The following GRAMD1C variants were observed in gnomAD, a reference collection of about 807,000 sequenced individuals.
GRAMD1C encodes protein Aster-C.
Under a neutral mutation model 97.8 loss-of-function variants are expected in GRAMD1C, and 89 were observed. The observed-to-expected ratio is 0.91, with a 90% CI of 0.77 to 1.09. The LOEUF (loss-of-function observed/expected upper bound fraction) is 1.09, where lower values mean the gene tolerates loss of function less well. Among genes scored for constraint, GRAMD1C ranks in the 50% least tolerant of loss-of-function variants. The pLI, the probability that GRAMD1C is intolerant of heterozygous loss-of-function variation, is 0.00. For synonymous variants in GRAMD1C, 256 were observed against 267.0 expected (o/e 0.96, Z 0.40); for missense variants, 740 against 766.4 (o/e 0.97, Z 0.41).
At chr3:113,834,664 G>A (rs1249510728), upstream of GRAMD1C, among the ~76,000 whole-genome samples, 2 of 151,886 alleles carry the variant, frequency 1.3e-5, no homozygotes, top group East Asian at 1.9e-4. Flanking sequence ...GCCCAGGCAC[G>A]GTGGCTTACA....
At chr3:113,911,546 C>T (rs1936577239) in intron 9 of GRAMD1C, among the ~76,000 whole-genome samples, 1 of 151,994 alleles carries the variant, frequency 6.6e-6, no homozygotes, top group Admixed American at 6.5e-5. Context: ...ACTAATTCTA[C>T]CAGATCTGGG....
intron 6 of GRAMD1C, among the ~76,000 whole-genome samples, chr3:113,899,268 T>A (rs1017472085): frequency 9.9e-5 from 15 of 152,218 alleles, no homozygotes; most frequent in African/African-American, 3.6e-4. Context: ...CATTTCTCCA[T>A]TTCCCCATAT....
chr3:113,830,623 G>C (rs1419161387), intron 1 of GRAMD1C, among the ~76,000 whole-genome samples: 12 of 152,202 alleles, frequency 7.9e-5, no homozygotes, highest in Admixed American at 7.9e-4. Flanking sequence ...AACACAATGA[G>C]AAGTATTTGT....
intron 6 of GRAMD1C, among the ~76,000 whole-genome samples, chr3:113,894,716 A>G (rs767975969): frequency 2.0e-4 from 30 of 152,346 alleles, no homozygotes; most frequent in Admixed American, 5.2e-4. Context: ...AATAGAGCAG[A>G]AATCTGTACT....
intron 10 of GRAMD1C, among the ~76,000 whole-genome samples, chr3:113,921,741 G>A (rs1937064056): frequency 6.6e-6 from 1 of 152,116 alleles, no homozygotes; most frequent in Non-Finnish European, 1.5e-5. Context: ...TATGCTTGCT[G>A]GCTAGATATA....
Position 113,945,563 on chromosome 3 carries a change from A to T in GRAMD1C, c.*85A>T. 1 of 738,304 alleles carries T rather than the reference A, an allele frequency of 1.4e-6. No individual in the cohort carries two copies. Among genetic ancestry groups the T allele is most frequent in the South Asian group, 1.6e-5 (1 of 62,930 alleles). 45.7% of individuals were successfully genotyped at this position (738,304 alleles called of 1,614,324 possible). A position where few individuals can be genotyped will look rare whatever the true frequency, so the allele number is the denominator to read the frequency against. ...AACCAGACGAATGAAGGATTTTGGC[A>T]TAGAACATTTCTATGTTTTTTCATT... On this transcript the variant is annotated 3_prime_UTR_variant, in exon 18 of 18. Coordinates refer to ENST00000358160, the MANE Select transcript of GRAMD1C (RefSeq NM_017577.5).
intron 3 of GRAMD1C, among the ~76,000 whole-genome samples, chr3:113,873,600 C>A (rs1202045331): frequency 6.6e-6 from 1 of 151,962 alleles, no homozygotes; most frequent in Non-Finnish European, 1.5e-5. Flanking sequence ...CTCACTGTAA[C>A]CTTTGCCTCC....
chr3:113,922,374 T>G (rs553447393), intron 10 of GRAMD1C, among the ~76,000 whole-genome samples: 4 of 152,280 alleles, frequency 2.6e-5, no homozygotes, highest in Non-Finnish European at 2.9e-5. Flanking sequence ...CGCCCAGTCA[T>G]TCCTAAATTT....
At chr3:113,924,938 G>C (rs1424860555) in intron 10 of GRAMD1C, among the ~76,000 whole-genome samples, 1 of 152,180 alleles carries the variant, frequency 6.6e-6, no homozygotes, top group Non-Finnish European at 1.5e-5. Context: ...CTTGTTTCAT[G>C]AGCCTGGATG....
intron 1 of GRAMD1C, among the ~76,000 whole-genome samples, chr3:113,830,581 A>T (rs1207772903): frequency 1.3e-5 from 2 of 152,222 alleles, no homozygotes; most frequent in East Asian, 3.8e-4. Context: ...CCTGGACAGC[A>T]TGTTACCATG....
Position 113,879,340 on chromosome 3 carries a change from G to C in GRAMD1C, c.459+3080G>C, listed in dbSNP as rs117903626. The stretch of plus-strand genomic sequence containing the variant: ...CTCTGTTCCCTGCTTGTGCCAGTTT[G>C]TCACTATGTGTGGTTGCTGTCCCCA... On this transcript the variant is annotated intron_variant, in intron 5 of 17. Transcript: ENST00000358160. Among the ~76,000 whole-genome samples the C allele has an allele frequency of 5.6e-4, 85 of 152,224 alleles. No individual in the cohort carries two copies. The East Asian group carries it at 0.015, about 27-fold the overall frequency.
intron 2 of GRAMD1C, among the ~76,000 whole-genome samples, chr3:113,858,190 G>A (rs2107347948): frequency 6.6e-6 from 1 of 151,712 alleles, no homozygotes; most frequent in South Asian, 2.1e-4. Flanking sequence ...TATGTTTTTT[G>A]ATAATCCATT....
intron 9 of GRAMD1C, among the ~76,000 whole-genome samples, chr3:113,914,103 T>C (rs2712338): frequency 0.21 from 31,434 of 152,136 alleles, 3,290 homozygotes; most frequent in African/African-American, 0.24. Flanking sequence ...CCTTTAGTTG[T>C]TTTCTTCCTT....
chr3:113,838,959 GCAGGTTCCCATCTGTGGCTTTAGCCTA>G, intron 1 of GRAMD1C, 23 bp downstream of exon 1: 1 of 1,238,578 alleles, frequency 8.1e-7, no homozygotes, highest in South Asian at 4.0e-5. Context: ...CCTCGCTGGG[GCAGGTTCCCATCTGTGGCTTTAGCCTA>G]CTTTTTCTCA....
intron 8 of GRAMD1C, among the ~76,000 whole-genome samples, chr3:113,906,146 C>T (rs1227379874): frequency 3.3e-5 from 5 of 152,254 alleles, no homozygotes; most frequent in African/African-American, 1.2e-4. Flanking sequence ...ATAGCACAAA[C>T]AATTATAGAA....
intron 10 of GRAMD1C, among the ~76,000 whole-genome samples, chr3:113,928,978 G>C (rs1490276847): frequency 6.6e-6 from 1 of 151,830 alleles, no homozygotes; most frequent in Non-Finnish European, 1.5e-5. Context: ...GTTCTTTTGG[G>C]TATATGCCTA....
intron 8 of GRAMD1C, among the ~76,000 whole-genome samples, chr3:113,905,849 C>CT (rs1936352361): frequency 6.6e-6 from 1 of 152,142 alleles, no homozygotes; most frequent in African/African-American, 2.4e-5. Flanking sequence ...GCATCCGCCA[C>CT]TATGCCTGGC....
intron 2 of GRAMD1C, among the ~76,000 whole-genome samples, chr3:113,848,405 T>C (rs896566754): frequency 1.4e-4 from 21 of 152,224 alleles, no homozygotes; most frequent in African/African-American, 4.6e-4. Context: ...ATTAACTCTC[T>C]ATGGCTGTTG....
intron 6 of GRAMD1C, chr3:113,897,486 AC>A (rs1425257520): frequency 2.0e-6 from 2 of 978,304 alleles, no homozygotes; most frequent in African/African-American, 3.5e-5. Context: ...GTGAGGTATA[AC>A]TTCCAATTCT....
Sources: allele counts gnomAD v4.1 joint callset (sites outside exome capture counted in the v4.1 genomes callset), GRCh38; gene constraint gnomAD v4.1.1; transcripts MANE v1.5; gene names NCBI Gene and HGNC (gene_info 2026-07-23, HGNC 2026-07-21).